UNC13C: variants seen among roughly 807,000 people sequenced by gnomAD.
The protein encoded by UNC13C is unc-13 homolog C, also known as protein unc-13 homolog C.
UNC13C carries 174 observed loss-of-function variants against 245.4 expected under a neutral mutation model. The observed-to-expected ratio is 0.71, with a 90% CI of 0.63 to 0.80. The LOEUF (loss-of-function observed/expected upper bound fraction) is 0.80, where lower values mean the gene tolerates loss of function less well. Ranked by LOEUF, UNC13C falls within the 30% of genes least tolerant of loss-of-function variation. The probability of loss-of-function intolerance (pLI) is 0.00; values close to 1 mark genes in which losing one functional copy is unlikely to be tolerated. For missense variants in UNC13C, 2,829 were observed against 2,602.9 expected (o/e 1.09, Z -1.89); for synonymous variants, 992 against 895.1 (o/e 1.11, Z -1.93).
chr15:54,016,926 T>C (rs1205192795), intron 2 of UNC13C, among the ~76,000 whole-genome samples: 1 of 152,238 alleles, frequency 6.6e-6, no homozygotes, highest in Non-Finnish European at 1.5e-5. Context: ...CTTGCTATTA[T>C]CAAATAACAT....
At chr15:54,475,134 G>A (rs1328700385) in intron 19 of UNC13C, among the ~76,000 whole-genome samples, 1 of 151,798 alleles carries the variant, frequency 6.6e-6, no homozygotes, top group Non-Finnish European at 1.5e-5. Context: ...TTCTTTTGTT[G>A]CCTGTGCTTT....
intron 2 of UNC13C, among the ~76,000 whole-genome samples, chr15:54,064,445 G>A (rs1327713080): frequency 2.6e-5 from 4 of 152,184 alleles, no homozygotes; most frequent in Admixed American, 2.6e-4. Context: ...GATTTCCACT[G>A]TGCTCCTTAG....
chr15:54,478,742 A>C (rs548249954), intron 19 of UNC13C, among the ~76,000 whole-genome samples: 13 of 151,472 alleles, frequency 8.6e-5, no homozygotes, highest in African/African-American at 2.7e-4. Flanking sequence ...TATGTGGTCA[A>C]TTTTGGAATA....
At chr15:53,926,854 G>A in the UNC13C span, among the ~76,000 whole-genome samples, 1 of 152,182 alleles carries the variant, frequency 6.6e-6, no homozygotes, top group Non-Finnish European at 1.5e-5. Flanking sequence ...ACAGGATCAG[G>A]GATCTGCCAA....
At chr15:54,578,669 C>T (rs1898065890) in intron 30 of UNC13C, among the ~76,000 whole-genome samples, 1 of 152,210 alleles carries the variant, frequency 6.6e-6, no homozygotes, top group African/African-American at 2.4e-5. Context: ...GTATTTTCGT[C>T]ACTTGAGTCT....
chr15:54,137,455 G>A lies in UNC13C; in HGVS notation c.2984-5563G>A, dbSNP rs117337182. Among the ~76,000 whole-genome samples the A allele has an allele frequency of 1.1e-4, 17 of 152,120 alleles. No homozygotes were observed. In the East Asian group the frequency reaches 3.3e-3, roughly 29 times the overall value. On this transcript the variant is annotated intron_variant, in intron 2 of 32. Coordinates refer to ENST00000260323, the MANE Select transcript of UNC13C (RefSeq NM_001080534.3). Reference sequence around the variant, plus strand: ...CACACAATGAAGCTATCTTGTAATGGGCTTTTCTTTGTTGAGAGATAATTG... The same window carrying A: ...CACACAATGAAGCTATCTTGTAATGAGCTTTTCTTTGTTGAGAGATAATTG...
the UNC13C span, among the ~76,000 whole-genome samples, chr15:53,968,943 A>C: frequency 2.0e-5 from 3 of 152,186 alleles, no homozygotes; most frequent in Admixed American, 6.5e-5. Flanking sequence ...AGTTTCCTAC[A>C]ATCCCCACAA....
chr15:53,855,279 G>A, the UNC13C span, among the ~76,000 whole-genome samples: 1 of 151,956 alleles, frequency 6.6e-6, no homozygotes, highest in African/African-American at 2.4e-5. Context: ...ATTTGAATAT[G>A]CTTTATTTCT....
chr15:54,533,259 A>G (rs1176322107), intron 26 of UNC13C, among the ~76,000 whole-genome samples, 193 bp downstream of exon 26: 1 of 152,202 alleles, frequency 6.6e-6, no homozygotes, highest in Non-Finnish European at 1.5e-5. Context: ...ATAAAAATAA[A>G]TTAGGAATGA....
intron 26 of UNC13C, among the ~76,000 whole-genome samples, chr15:54,544,108 G>A (rs373157111): frequency 5.9e-5 from 9 of 152,024 alleles, no homozygotes; most frequent in African/African-American, 1.7e-4. Flanking sequence ...TGATCAAATC[G>A]GATTCACCCC....
chr15:54,540,793 T>C (rs16974749), intron 26 of UNC13C, among the ~76,000 whole-genome samples: 6,824 of 152,182 alleles, frequency 0.045, 486 homozygotes, highest in African/African-American at 0.15. Context: ...TATTCCTATT[T>C]TTTTAGTTCC....
intron 4 of UNC13C, among the ~76,000 whole-genome samples, chr15:54,228,772 A>T (rs774238696): frequency 6.6e-6 from 1 of 152,076 alleles, no homozygotes; most frequent in African/African-American, 2.4e-5. Flanking sequence ...CCTTTCCTCA[A>T]GAAAAGGGAA....
chr15:54,629,820 A>G (rs1399497488), downstream of UNC13C: 1 of 152,164 alleles, frequency 6.6e-6, no homozygotes, highest in Non-Finnish European at 1.5e-5. Flanking sequence ...ATTGCATCCA[A>G]TTATTCTGTC....
intron 19 of UNC13C, among the ~76,000 whole-genome samples, chr15:54,456,765 T>C (rs1891555028): frequency 6.6e-6 from 1 of 152,048 alleles, no homozygotes; most frequent in Admixed American, 6.6e-5. Flanking sequence ...TTATCAGATC[T>C]AGGAGCTTTT....
chr15:54,539,905 G>C (rs972916769), intron 26 of UNC13C, among the ~76,000 whole-genome samples: 9 of 151,964 alleles, frequency 5.9e-5, no homozygotes, highest in Non-Finnish European at 1.2e-4. Context: ...AGAAAATTAT[G>C]TCACCATATG....
chr15:53,889,210 G>A, the UNC13C span, among the ~76,000 whole-genome samples: 2 of 152,178 alleles, frequency 1.3e-5, no homozygotes, highest in East Asian at 3.9e-4. Flanking sequence ...ATTTGTTTGT[G>A]TCCTCTCTTA....
At chr15:54,083,354 C>G (rs1429369730) in intron 2 of UNC13C, among the ~76,000 whole-genome samples, 1 of 152,190 alleles carries the variant, frequency 6.6e-6, no homozygotes, top group Non-Finnish European at 1.5e-5. Context: ...AGCCTCTTCC[C>G]TCAGTCTGGA....
intron 1 of UNC13C, among the ~76,000 whole-genome samples, chr15:53,998,936 A>G (rs1264139664): frequency 6.6e-6 from 1 of 151,998 alleles, no homozygotes. Context: ...TCAGCCTTAC[A>G]TTCCTGGAAT....
At chr15:53,950,872 G>A in the UNC13C span, among the ~76,000 whole-genome samples, 2 of 152,186 alleles carry the variant, frequency 1.3e-5, no homozygotes, top group African/African-American at 4.8e-5. Context: ...ACAAGTCCAT[G>A]TCTTCATCAA....
Sources: gnomAD v4.1 joint callset for allele counts (sites outside exome capture counted in the v4.1 genomes callset) on GRCh38, gnomAD v4.1.1 for gene constraint, MANE v1.5 for transcripts, NCBI Gene and HGNC (gene_info 2026-07-23, HGNC 2026-07-21) for gene names.